The following BMPR2 variants were observed in gnomAD, a reference collection of about 807,000 sequenced individuals.
BMPR2 encodes the protein bone morphogenetic protein receptor type-2.
Under a neutral mutation model 100.8 loss-of-function variants are expected in BMPR2, and 29 were observed. The ratio of observed to expected loss-of-function variants is 0.29; its 90% CI spans 0.21 to 0.39. The LOEUF (loss-of-function observed/expected upper bound fraction) is 0.39, where lower values mean the gene tolerates loss of function less well. Among genes scored for constraint, BMPR2 ranks in the 10% least tolerant of loss-of-function variants. The pLI, the probability that BMPR2 is intolerant of heterozygous loss-of-function variation, is 1.00. For missense variants in BMPR2, 1,011 were observed against 1,274.5 expected, an observed-to-expected ratio of 0.79 and a Z score of 3.15; for synonymous variants, 382 against 442.3, an observed-to-expected ratio of 0.86 and a Z score of 1.71.
At chr2:202,399,543 TAAG>T (rs1574427932) in intron 1 of BMPR2, among the ~76,000 whole-genome samples, 1 of 152,252 alleles carries the variant, frequency 6.6e-6, no homozygotes, top group East Asian at 1.9e-4. Flanking sequence ...TTTGAGAAAA[TAAG>T]AAATGCTTTA....
intron 3 of BMPR2, among the ~76,000 whole-genome samples, chr2:202,478,797 C>T (rs1248822662): frequency 6.6e-6 from 1 of 151,884 alleles, no homozygotes; most frequent in Non-Finnish European, 1.5e-5. Flanking sequence ...TGTGGTGGTG[C>T]ATGTTGTAGT....
intron 1 of BMPR2, among the ~76,000 whole-genome samples, chr2:202,384,779 G>A (rs1316135893): frequency 6.6e-6 from 1 of 151,856 alleles, no homozygotes; most frequent in Non-Finnish European, 1.5e-5. Context: ...TTGTAGTAGA[G>A]ACGGGGTTTC....
At chr2:202,416,297 C>CA (rs530013155) in intron 1 of BMPR2, among the ~76,000 whole-genome samples, 40 of 151,182 alleles carry the variant, frequency 2.6e-4, no homozygotes, top group African/African-American at 8.2e-4. Flanking sequence ...GAAAGGGTCT[C>CA]ACTCTTGCCC....
intron 1 of BMPR2, among the ~76,000 whole-genome samples, chr2:202,380,101 C>T (rs866397016): frequency 2.8e-4 from 42 of 151,922 alleles, no homozygotes; most frequent in Admixed American, 5.9e-4. Flanking sequence ...CTCCTGACCT[C>T]GTGATCCACC....
intron 3 of BMPR2, among the ~76,000 whole-genome samples, chr2:202,479,017 C>T (rs1351437210): frequency 6.6e-6 from 1 of 152,166 alleles, no homozygotes; most frequent in Non-Finnish European, 1.5e-5. Context: ...TGATCCCTGC[C>T]TCCTGGTATT....
intron 1 of BMPR2, among the ~76,000 whole-genome samples, chr2:202,420,666 C>T (rs995246779): frequency 1.3e-5 from 2 of 150,664 alleles, no homozygotes; most frequent in African/African-American, 4.9e-5. Flanking sequence ...CTTGCCTCAG[C>T]CTCCTGAGTA....
chr2:202,381,503 C>T (rs1690292391), intron 1 of BMPR2, among the ~76,000 whole-genome samples: 1 of 152,198 alleles, frequency 6.6e-6, no homozygotes, highest in African/African-American at 2.4e-5. Flanking sequence ...ACTCTGCTCT[C>T]CTAACATCCC....
rs954090260 is a variant in BMPR2, at chr2:202,560,067, C to A, written c.*121C>A. ...TCAGCACCCCCTCCCACCCCTGCAACAAAGACTTGCTTTAAATAGATTTCA... is the reference window on the plus strand; with the variant it reads ...TCAGCACCCCCTCCCACCCCTGCAAAAAAGACTTGCTTTAAATAGATTTCA... On this transcript the variant is annotated 3_prime_UTR_variant, in exon 13 of 13. Transcript: ENST00000374580. 9.0e-6 allele frequency: 11 copies of A among 1,221,896 alleles called. No homozygotes were observed. The highest frequency in any genetic ancestry group is 9.1e-6 in the Non-Finnish European group (8 of 876,024). The allele number at this position is 1,221,896 out of a possible 1,614,324, so 75.7% of individuals were successfully genotyped here.
At chr2:202,378,639 T>C (rs1009337084) in intron 1 of BMPR2, among the ~76,000 whole-genome samples, 1 of 152,182 alleles carries the variant, frequency 6.6e-6, no homozygotes, top group Non-Finnish European at 1.5e-5. Flanking sequence ...TGTTGAATAA[T>C]GTCTACTGTT....
intron 1 of BMPR2, among the ~76,000 whole-genome samples, chr2:202,429,872 C>G (rs528845891): frequency 6.6e-6 from 1 of 152,280 alleles, no homozygotes; most frequent in East Asian, 1.9e-4. Context: ...GGGGAAACTG[C>G]ACCATGATCC....
In BMPR2 at chr2:202,503,809, C is replaced by T. The variant is rs1687459176; in HGVS notation, c.419-9910C>T. ...CCACCTGCAGCCCAGGTGTGGGATC[C>T]ACTGGGTGAAGCCAGCTGGGCTCCT... On this transcript the variant is annotated intron_variant, in intron 3 of 12. Transcript: ENST00000374580. This position sits in a 1 kb window ranked among gnomAD's most constrained non-coding sequence, Gnocchi z 4.0. Among the ~76,000 whole-genome samples, 1 of 152,252 alleles carries T rather than the reference C, an allele frequency of 6.6e-6. No individual in the cohort carries two copies. The highest frequency in any genetic ancestry group is 2.4e-5 in the African/African-American group (1 of 41,476).
chr2:202,421,724 G>A (rs1276414423), intron 1 of BMPR2, among the ~76,000 whole-genome samples: 3 of 146,064 alleles, frequency 2.1e-5, no homozygotes, highest in Admixed American at 6.9e-5. Flanking sequence ...CCCTTTCCCA[G>A]TCTCTGCCCA....
intron 3 of BMPR2, among the ~76,000 whole-genome samples, chr2:202,501,599 C>A (rs893271344): frequency 6.6e-6 from 1 of 152,210 alleles, no homozygotes; most frequent in Non-Finnish European, 1.5e-5. Context: ...AGGCTGGCCT[C>A]ACTGTTTAAG....
At chr2:202,413,580 A>T (rs984567244) in intron 1 of BMPR2, among the ~76,000 whole-genome samples, 2 of 152,200 alleles carry the variant, frequency 1.3e-5, no homozygotes, top group African/African-American at 4.8e-5. Context: ...TATAGAACAT[A>T]CAAGAATCAT....
intron 1 of BMPR2, among the ~76,000 whole-genome samples, chr2:202,445,501 A>T: frequency 6.7e-6 from 1 of 149,726 alleles, no homozygotes; most frequent in East Asian, 1.9e-4. Context: ...TGCTGGGATT[A>T]CAGGGGTGAG....
chr2:202,519,356 C>T (rs1422310148), intron 6 of BMPR2, among the ~76,000 whole-genome samples: 1 of 151,840 alleles, frequency 6.6e-6, no homozygotes, highest in East Asian at 1.9e-4. Flanking sequence ...GAGCAAGACG[C>T]AATCTCAAAA....
rs532114987 is a variant in BMPR2, at chr2:202,463,966, C to A, written c.77-843C>A. Reference sequence around the variant, plus strand: ...TCTGAAGTCGAGAGTTCGGGACCAGCCTGACCAACATGGAGAAACCCCATC... The same window carrying A: ...TCTGAAGTCGAGAGTTCGGGACCAGACTGACCAACATGGAGAAACCCCATC... On this transcript the variant is annotated intron_variant, in intron 1 of 12. Transcript: ENST00000374580. Among the ~76,000 whole-genome samples, 13 of 152,032 alleles carry A rather than the reference C, an allele frequency of 8.6e-5. No individual in the cohort carries two copies. In the South Asian group the frequency reaches 2.7e-3, roughly 32 times the overall value.
intron 1 of BMPR2, among the ~76,000 whole-genome samples, chr2:202,378,086 C>T (rs1025696829): frequency 1.3e-5 from 2 of 152,122 alleles, no homozygotes; most frequent in Admixed American, 6.6e-5. Context: ...TTGAGGAAGC[C>T]AGAACTGTGA....
chr2:202,510,165 T>A (rs1015292225), intron 3 of BMPR2, among the ~76,000 whole-genome samples: 3 of 152,194 alleles, frequency 2.0e-5, no homozygotes, highest in African/African-American at 7.2e-5. Context: ...ATGCCTATAA[T>A]CCCAGCACTT....
Sources: allele counts gnomAD v4.1 joint callset (sites outside exome capture counted in the v4.1 genomes callset), GRCh38; gene constraint gnomAD v4.1.1; non-coding constraint Gnocchi (gnomAD v3.1); transcripts MANE v1.5; gene names NCBI Gene and HGNC (gene_info 2026-07-23, HGNC 2026-07-21).